Variants in RCOR3 observed in about 807,000 individuals in gnomAD.
RCOR3 encodes REST corepressor 3.
RCOR3 carries 13 observed loss-of-function variants against 64.1 expected under a neutral mutation model. That is an observed-to-expected ratio of 0.20 (90% CI 0.13 to 0.32). The LOEUF is 0.32. Ranked by LOEUF, RCOR3 falls within the 10% of genes least tolerant of loss-of-function variation. The probability of loss-of-function intolerance (pLI) is 1.00; values close to 1 mark genes in which losing one functional copy is unlikely to be tolerated. For synonymous variants in RCOR3, 215 were observed against 239.0 expected (o/e 0.90, Z 0.93); for missense variants, 489 against 701.2 (o/e 0.70, Z 3.42).
intron 10 of RCOR3, 144 bp downstream of exon 10, chr1:211,304,284 T>C: frequency 1.9e-6 from 1 of 531,980 alleles, no homozygotes; most frequent in South Asian, 4.4e-5. Flanking sequence ...CCAGGAATTC[T>C]GTGTTGTATT....
rs563751047 is a variant in RCOR3, at chr1:211,312,222, G to A, written c.1076-498G>A. The A allele has an allele frequency of 2.9e-4, 88 of 299,624 alleles. No individual in the cohort carries two copies. Among genetic ancestry groups the A allele is most frequent in the African/African-American group, 1.5e-3 (70 of 47,038 alleles). The allele number at this position is 299,624 out of a possible 1,614,324, so 18.6% of individuals were successfully genotyped here. ...TAGGCAAGTATTCATGTTGAAGTTA[G>A]TATTAAGACCAAAATTATAATGCTT... On this transcript the variant is annotated intron_variant, in intron 10 of 11. Transcript: ENST00000419091. This position sits in a 1 kb window ranked among gnomAD's most constrained non-coding sequence, Gnocchi z 5.0.
intron 8 of RCOR3, among the ~76,000 whole-genome samples, chr1:211,294,219 A>G (rs190393440): frequency 6.6e-6 from 1 of 152,334 alleles, no homozygotes; most frequent in Non-Finnish European, 1.5e-5. Context: ...TCAAACATGT[A>G]GCAGCTACCT....
At chr1:211,308,519 AAT>A (rs548047823) in intron 10 of RCOR3, among the ~76,000 whole-genome samples, 24 of 152,238 alleles carry the variant, frequency 1.6e-4, no homozygotes, top group Middle Eastern at 3.4e-3. Context: ...TTATTTCAAA[AAT>A]ATATTTTTGA....
rs752845113 is a variant in RCOR3, at chr1:211,295,705, A to G, written c.969A>G (p.Ala323=). The change falls in exon 9 of 12, where the codon GCA becomes GCG. Residue 323 remains alanine (A), a synonymous_variant. Transcript: ENST00000419091. The stretch of plus-strand genomic sequence containing the variant: ...AGAATGCTAAGCAAGTAAACAGTGC[A>G]CTTAAACAGAAAATGGAAGGTGGAA... ...QVQNAKQVNS[A]LKQKMEGGIE... 5.0e-6 allele frequency: 8 copies of G among 1,613,766 alleles called. No homozygotes were observed. The Admixed American group carries it at 8.3e-5, about 17-fold the overall frequency.
intron 8 of RCOR3, 150 bp from the exon 9 acceptor site, chr1:211,295,526 G>T: frequency 1.6e-6 from 1 of 615,468 alleles, no homozygotes; most frequent in East Asian, 2.8e-5. Flanking sequence ...TGAATTAGTG[G>T]CATGTCATAC....
chr1:211,313,868 C>T lies in RCOR3; in HGVS notation c.*100C>T. The T allele has an allele frequency of 1.8e-6, 2 of 1,139,140 alleles. No homozygotes were observed. Among genetic ancestry groups the T allele is most frequent in the Non-Finnish European group, 2.5e-6 (2 of 809,998 alleles). The allele number at this position is 1,139,140 out of a possible 1,614,324, so 70.6% of individuals were successfully genotyped here. A position where few individuals can be genotyped will look rare whatever the true frequency, so the allele number is the denominator to read the frequency against. ...AGGAAAGAATAATCATTTCTAGATACTGAGGCTGCGAACTAGTTCTGTGGC... is the reference window on the plus strand; with the variant it reads ...AGGAAAGAATAATCATTTCTAGATATTGAGGCTGCGAACTAGTTCTGTGGC... On this transcript the variant is annotated 3_prime_UTR_variant, in exon 12 of 12. Coordinates refer to ENST00000419091, the MANE Select transcript of RCOR3 (RefSeq NM_001136223.3). The surrounding 1 kb of genome is among the most constrained non-coding windows in gnomAD (Gnocchi z 4.7).
chr1:211,295,214 T>G (rs1699742956), intron 8 of RCOR3, among the ~76,000 whole-genome samples: 1 of 152,112 alleles, frequency 6.6e-6, no homozygotes, highest in East Asian at 1.9e-4. Context: ...CTGATTGTAC[T>G]TACCTCACAG....
intron 3 of RCOR3, chr1:211,271,649 A>T (rs1558052935): frequency 2.4e-6 from 1 of 423,890 alleles, no homozygotes; most frequent in Non-Finnish European, 4.6e-6. Context: ...AGCGGTAAAG[A>T]CATGCCTTCA....
chr1:211,279,427 T>A, intron 7 of RCOR3, 111 bp downstream of exon 7: 1 of 701,342 alleles, frequency 1.4e-6, no homozygotes, highest in Non-Finnish European at 2.4e-6. Flanking sequence ...TATGAGATAG[T>A]AAATTTCAGT....
At position 211,269,548 on chromosome 1, in the gene RCOR3, G is replaced by A. The variant is rs1259883230; in HGVS notation, c.224-1684G>A. 3.3e-5 allele frequency among the ~76,000 whole-genome samples: 5 copies of A among 152,138 alleles called. No individual in the cohort carries two copies. The East Asian group carries it at 9.7e-4, about 29-fold the overall frequency. On this transcript the variant is annotated intron_variant, in intron 2 of 11. Transcript: ENST00000419091. Reference sequence around the variant, plus strand: ...AGAGGCAGAGGTTGCAGTGAGCTGAGGTCACGCCATTGCACTCCAGCCTGG... The same window carrying A: ...AGAGGCAGAGGTTGCAGTGAGCTGAAGTCACGCCATTGCACTCCAGCCTGG...
intron 7 of RCOR3, 31 bp downstream of exon 7, chr1:211,279,347 TG>T (rs768915658): frequency 1.4e-6 from 2 of 1,472,522 alleles, no homozygotes; most frequent in Non-Finnish European, 1.9e-6. Context: ...TACTTGTGAT[TG>T]TTCTACAAAT....
rs1390727891 is a variant in RCOR3 at position 211,314,954 on chromosome 1, T to C, written c.*1186T>C. 1 of 152,226 alleles carries C rather than the reference T, an allele frequency of 6.6e-6. No homozygotes were observed. Among genetic ancestry groups the C allele is most frequent in the African/African-American group, 2.4e-5 (1 of 41,462 alleles). The allele number at this position is 152,226 out of a possible 1,614,324, so 9.4% of individuals were successfully genotyped here. A position where few individuals can be genotyped will look rare whatever the true frequency, so the allele number is the denominator to read the frequency against. ...GTTATCTAAAGATGTATCAGTATAT[T>C]GTCACAGTTGTGCTGTTAACTAAAA... On this transcript the variant is annotated 3_prime_UTR_variant, in exon 12 of 12. Transcript: ENST00000419091.
chr1:211,306,233 T>G (rs7520989), intron 10 of RCOR3, among the ~76,000 whole-genome samples: 1 of 151,894 alleles, frequency 6.6e-6, no homozygotes, highest in Non-Finnish European at 1.5e-5. Context: ...ATAAATAGTA[T>G]AATCATGTAG....
chr1:211,262,759 T>A (rs1235506129), intron 2 of RCOR3, among the ~76,000 whole-genome samples: 3 of 152,068 alleles, frequency 2.0e-5, no homozygotes, highest in South Asian at 2.1e-4. Context: ...TGGAACAAAT[T>A]TCAAAATTTT....
chr1:211,303,855 G>A lies in RCOR3; in HGVS notation c.1018-228G>A, dbSNP rs1455758522. 7 of 360,120 alleles carry A rather than the reference G, an allele frequency of 1.9e-5. No individual in the cohort carries two copies. In the South Asian group the frequency reaches 3.3e-4, roughly 17 times the overall value. 22.3% of individuals were successfully genotyped at this position (360,120 alleles called of 1,614,324 possible). ...ATATCTCTAATTAGAGCATAAATGC[G>A]AATGTTGTTCCTTCTTGCAAATTGG... On this transcript the variant is annotated intron_variant, in intron 9 of 11. Coordinates refer to ENST00000419091, the MANE Select transcript of RCOR3 (RefSeq NM_001136223.3).
At chr1:211,283,116 A>T (rs141508958) in intron 7 of RCOR3, among the ~76,000 whole-genome samples, 1,843 of 152,336 alleles carry the variant, frequency 0.012, 14 homozygotes, top group Middle Eastern at 0.071. Flanking sequence ...GACACTGCTG[A>T]TATGAACATG....
intron 10 of RCOR3, among the ~76,000 whole-genome samples, chr1:211,304,685 C>T (rs1700692254): frequency 2.0e-5 from 3 of 152,098 alleles, no homozygotes; most frequent in Admixed American, 2.0e-4. Flanking sequence ...AGAGCGATAT[C>T]AAAAAATCAC....
intron 2 of RCOR3, among the ~76,000 whole-genome samples, chr1:211,263,737 GAA>G (rs1694748181): frequency 6.6e-6 from 1 of 152,120 alleles, no homozygotes; most frequent in Non-Finnish European, 1.5e-5. Flanking sequence ...GCTGTTGTGT[GAA>G]GTTTTTCACA....
intron 2 of RCOR3, among the ~76,000 whole-genome samples, chr1:211,270,220 A>G (rs1223083612): frequency 6.6e-6 from 1 of 151,728 alleles, no homozygotes; most frequent in African/African-American, 2.4e-5. Context: ...GCGCCACCAC[A>G]CCTGGCTAAT....
Sources: gnomAD v4.1 joint callset for allele counts (sites outside exome capture counted in the v4.1 genomes callset) on GRCh38, gnomAD v4.1.1 for gene constraint, Gnocchi (gnomAD v3.1) non-coding constraint, MANE v1.5 for transcripts, NCBI Gene and HGNC (gene_info 2026-07-23, HGNC 2026-07-21) for gene names.